The following KANSL1L variants were observed in gnomAD, a reference collection of about 807,000 sequenced individuals.
KANSL1L encodes KAT8 regulatory NSL complex subunit 1-like protein.
KANSL1L carries 25 observed loss-of-function variants against 108.6 expected under a neutral mutation model. That is an observed-to-expected ratio of 0.23 (90% CI 0.17 to 0.32). The LOEUF (loss-of-function observed/expected upper bound fraction) is 0.32. KANSL1L is among the 10% of genes least tolerant of loss of function. The pLI, the probability that KANSL1L is intolerant of heterozygous loss-of-function variation, is 1.00. For missense variants in KANSL1L, 1,137 were observed against 1,125.7 expected (o/e 1.01, Z -0.14); for synonymous variants, 405 against 395.1 (o/e 1.03, Z -0.30).
At chr2:210,144,917 A>G (rs919323853) in intron 2 of KANSL1L, among the ~76,000 whole-genome samples, 1 of 152,152 alleles carries the variant, frequency 6.6e-6, no homozygotes, top group African/African-American at 2.4e-5. Flanking sequence ...TAATGTCTGC[A>G]TAGTTGATGA....
At chr2:210,072,007 G>A (rs2094511120) in intron 6 of KANSL1L, among the ~76,000 whole-genome samples, 1 of 151,958 alleles carries the variant, frequency 6.6e-6, no homozygotes, top group East Asian at 1.9e-4. Flanking sequence ...TTACATAACT[G>A]CAAAAACAAT....
intron 3 of KANSL1L, among the ~76,000 whole-genome samples, chr2:210,116,852 T>A (rs2094959991): frequency 6.6e-6 from 1 of 152,110 alleles, no homozygotes; most frequent in African/African-American, 2.4e-5. Context: ...TCTATGAGTA[T>A]AAAGAACACC....
chr2:210,149,476 T>C (rs1460170847), intron 2 of KANSL1L, among the ~76,000 whole-genome samples: 1 of 152,146 alleles, frequency 6.6e-6, no homozygotes, highest in African/African-American at 2.4e-5. Flanking sequence ...AAAAAATGCA[T>C]CTGTTTATTT....
chr2:210,134,663 T>C (rs1408928578), intron 2 of KANSL1L, among the ~76,000 whole-genome samples: 1 of 152,150 alleles, frequency 6.6e-6, no homozygotes, highest in Non-Finnish European at 1.5e-5. Flanking sequence ...GAGAGGTGGA[T>C]AGTCTGAGGA....
intron 6 of KANSL1L, among the ~76,000 whole-genome samples, chr2:210,073,619 C>T (rs1308618891): frequency 6.6e-6 from 1 of 151,996 alleles, no homozygotes; most frequent in East Asian, 1.9e-4. Context: ...CTAGGAGCTA[C>T]CATATTGGAC....
At chr2:210,082,079 G>A (rs2094594833) in intron 5 of KANSL1L, among the ~76,000 whole-genome samples, 1 of 152,156 alleles carries the variant, frequency 6.6e-6, no homozygotes, top group Non-Finnish European at 1.5e-5. Flanking sequence ...GACTACAGGT[G>A]CATGCCACCA....
chr2:210,137,972 A>C (rs1471247334), intron 2 of KANSL1L, among the ~76,000 whole-genome samples: 3 of 152,194 alleles, frequency 2.0e-5, no homozygotes, highest in African/African-American at 7.2e-5. Context: ...TTGAGGCTGC[A>C]ATGAGCCATC....
At chr2:210,136,511 T>C (rs988991503) in intron 2 of KANSL1L, among the ~76,000 whole-genome samples, 3 of 152,208 alleles carry the variant, frequency 2.0e-5, no homozygotes, top group African/African-American at 7.2e-5. Context: ...AAAACATTTA[T>C]TTGCTAAAGA....
chr2:210,154,329 G>A lies in KANSL1L; in HGVS notation c.254C>T (p.Ser85Phe). Residue 85 changes from serine (S) to phenylalanine (F), a missense_variant, in exon 2 of 15, where the codon TCT becomes TTT. By Grantham distance (155) the Ser-to-Phe change is radical. This residue lies in a region of KANSL1L where 556 missense variants were observed against 537.7 expected (regional missense o/e 1.03). Transcript: ENST00000281772. ...ATTGTGTTTATTTAATGTAGAATTA[G>A]ATCTCATTAAAAAAACAGTCTGGTA... ...KHYQTVFLMRSNSTLNKHNEN... is the reference protein window; with the variant it reads ...KHYQTVFLMRFNSTLNKHNEN... 1 of 1,610,900 alleles carries A rather than the reference G, an allele frequency of 6.2e-7. No homozygotes were observed. The highest frequency in any genetic ancestry group is 8.5e-7 in the Non-Finnish European group (1 of 1,178,790).
chr2:210,070,801 T>C (rs1340551611), intron 6 of KANSL1L, among the ~76,000 whole-genome samples: 2 of 152,190 alleles, frequency 1.3e-5, no homozygotes, highest in African/African-American at 2.4e-5. Flanking sequence ...TCCTCTATCT[T>C]CTGGTGTTTG....
Position 210,028,939 on chromosome 2 carries a change from T to C in KANSL1L, c.2302A>G (p.Ser768Gly), listed in dbSNP as rs1575359057. ...ACAATGTTATCTATGTCATAAGAGC[T>C]CTCACTTCTCAATCTCCGTCGTGCA... ...NTARRRLRSE[S>G]SYDIDNIVIP... Residue 768 changes from serine (S) to glycine (G), a missense_variant, in exon 11 of 15, where the codon AGC (serine) becomes GGC (glycine). Transcript: ENST00000281772. 1 of 1,610,324 alleles carries C rather than the reference T, an allele frequency of 6.2e-7. No homozygotes were observed. Among genetic ancestry groups the C allele is most frequent in the South Asian group, 1.1e-5 (1 of 90,768 alleles).
chr2:210,059,419 A>C (rs1227183298), intron 6 of KANSL1L, among the ~76,000 whole-genome samples: 1 of 151,976 alleles, frequency 6.6e-6, no homozygotes, highest in South Asian at 2.1e-4. Context: ...CAAAGTAGTA[A>C]GTAATTTGCA....
At chr2:210,130,108 G>A (rs953196455) in intron 2 of KANSL1L, among the ~76,000 whole-genome samples, 5 of 151,824 alleles carry the variant, frequency 3.3e-5, no homozygotes, top group African/African-American at 4.8e-5. Flanking sequence ...GTCAAAACCC[G>A]CTGACTGTAG....
chr2:210,055,474 G>T (rs189778608), intron 6 of KANSL1L, among the ~76,000 whole-genome samples: 6 of 152,308 alleles, frequency 3.9e-5, no homozygotes, highest in South Asian at 2.1e-4. Flanking sequence ...GAAGAGAACA[G>T]AAAAATATGG....
chr2:210,053,556 C>T (rs2094316184), intron 6 of KANSL1L, among the ~76,000 whole-genome samples: 1 of 152,022 alleles, frequency 6.6e-6, no homozygotes, highest in African/African-American at 2.4e-5. Context: ...GAGATCACAC[C>T]ACTGCACTCT....
At chr2:210,161,416 T>C (rs1024189174) in intron 1 of KANSL1L, among the ~76,000 whole-genome samples, 16 of 152,194 alleles carry the variant, frequency 1.1e-4, no homozygotes, top group Admixed American at 6.5e-4. Flanking sequence ...TCATACCTTA[T>C]ATAAAAATGG....
chr2:210,086,122 T>C (rs2094635154), intron 5 of KANSL1L, among the ~76,000 whole-genome samples: 1 of 151,910 alleles, frequency 6.6e-6, no homozygotes, highest in Admixed American at 6.6e-5. Flanking sequence ...GATATCCAAT[T>C]AAGAAAGGAT....
At chr2:210,124,807 A>G (rs2095051597) in intron 3 of KANSL1L, among the ~76,000 whole-genome samples, 1 of 152,184 alleles carries the variant, frequency 6.6e-6, no homozygotes, top group Admixed American at 6.5e-5. Context: ...AATCAGAAAT[A>G]AAGCTGGGGA....
intron 8 of KANSL1L, among the ~76,000 whole-genome samples, chr2:210,036,335 C>T (rs1339811219): frequency 1.3e-5 from 2 of 152,064 alleles, no homozygotes; most frequent in Non-Finnish European, 2.9e-5. Context: ...GCATGCACCA[C>T]CATGCCTGCC....
Sources: gnomAD v4.1 joint callset for allele counts (sites outside exome capture counted in the v4.1 genomes callset) on GRCh38, gnomAD v4.1.1 for gene constraint, gnomAD v4.1.1 regional missense constraint, MANE v1.5 for transcripts, NCBI Gene and HGNC (gene_info 2026-07-23, HGNC 2026-07-21) for gene names.